The following ENOX1 variants were observed in gnomAD, a reference collection of about 807,000 sequenced individuals.
ENOX1 encodes the protein ecto-NOX disulfide-thiol exchanger 1.
ENOX1 carries 42 observed loss-of-function variants against 82.5 expected under a neutral mutation model. The observed-to-expected ratio is 0.51, with a 90% CI of 0.40 to 0.66. ENOX1 has a LOEUF of 0.66. Among genes scored for constraint, ENOX1 ranks in the 30% least tolerant of loss-of-function variants. The probability of loss-of-function intolerance (pLI) is 0.00; values close to 1 mark genes in which losing one functional copy is unlikely to be tolerated. For missense variants in ENOX1, 608 were observed against 811.6 expected, an observed-to-expected ratio of 0.75 and a Z score of 3.05; for synonymous variants, 271 against 282.2, an observed-to-expected ratio of 0.96 and a Z score of 0.40.
chr13:43,241,069 C>T (rs1367897659), intron 14 of ENOX1, among the ~76,000 whole-genome samples: 1 of 152,182 alleles, frequency 6.6e-6, no homozygotes, highest in Non-Finnish European at 1.5e-5. Context: ...TTCATATTCT[C>T]TACACAGGAC....
intron 9 of ENOX1, among the ~76,000 whole-genome samples, chr13:43,341,815 T>C (rs1475947789): frequency 2.0e-5 from 3 of 152,168 alleles, no homozygotes; most frequent in Non-Finnish European, 4.4e-5. Context: ...GCAGGCCCAG[T>C]CAAAAATTAT....
At chr13:43,592,469 C>A (rs2081287851) in intron 2 of ENOX1, among the ~76,000 whole-genome samples, 1 of 151,950 alleles carries the variant, frequency 6.6e-6, no homozygotes, top group Admixed American at 6.5e-5. Flanking sequence ...AAAACAAGTA[C>A]ACAAAGAATA....
intron 1 of ENOX1, among the ~76,000 whole-genome samples, chr13:43,748,462 C>T (rs116895426): frequency 0.01 from 1,534 of 152,222 alleles, 8 homozygotes; most frequent in Middle Eastern, 0.024. Flanking sequence ...GCCTGATTTA[C>T]GTAATAGAGC....
At chr13:43,586,572 G>A (rs541227404) in intron 2 of ENOX1, among the ~76,000 whole-genome samples, 1 of 152,324 alleles carries the variant, frequency 6.6e-6, no homozygotes, top group Admixed American at 6.5e-5. Context: ...GCTAGCTGAG[G>A]CCTCCCTCTG....
Position 43,412,974 on chromosome 13 carries a change from G to A in ENOX1, c.-60C>T, listed in dbSNP as rs932567921. On this transcript the variant is annotated 5_prime_UTR_variant, in exon 4 of 17. Transcript: ENST00000690772. ...TGATGGCTGAGTGCAGGGTCCCCTC[G>A]GAGGTCATCAGATTCTGCAAAACGG... The A allele has an allele frequency of 9.4e-6, 15 of 1,596,140 alleles. No homozygotes were observed. The highest frequency in any genetic ancestry group is 4.1e-5 in the African/African-American group (3 of 74,032).
intron 3 of ENOX1, among the ~76,000 whole-genome samples, chr13:43,413,236 C>T (rs1205216671): frequency 6.6e-6 from 1 of 152,168 alleles, no homozygotes; most frequent in Non-Finnish European, 1.5e-5. Flanking sequence ...TAAACAGCCC[C>T]ATTTGTGAGT....
At chr13:43,272,160 T>C (rs1025252172) in intron 12 of ENOX1, among the ~76,000 whole-genome samples, 6 of 152,184 alleles carry the variant, frequency 3.9e-5, no homozygotes, top group Non-Finnish European at 7.4e-5. Context: ...GTTTGTTACA[T>C]AGGTATACAC....
chr13:43,526,477 T>C (rs1211601839), intron 2 of ENOX1, among the ~76,000 whole-genome samples: 1 of 152,140 alleles, frequency 6.6e-6, no homozygotes, highest in African/African-American at 2.4e-5. Context: ...AGGCATAGCT[T>C]TCTAAAATAC....
chr13:43,645,588 TA>T (rs1402119553), intron 2 of ENOX1, among the ~76,000 whole-genome samples: 3 of 152,248 alleles, frequency 2.0e-5, no homozygotes. Flanking sequence ...ACATTCTATG[TA>T]AACAATCTTT....
At chr13:43,708,946 CT>C (rs2087504795) in intron 1 of ENOX1, among the ~76,000 whole-genome samples, 1 of 151,982 alleles carries the variant, frequency 6.6e-6, no homozygotes, top group South Asian at 2.1e-4. Flanking sequence ...CCCAGAGTGG[CT>C]TTAAAAAGCA....
At chr13:43,272,790 G>A (rs965679058) in intron 12 of ENOX1, among the ~76,000 whole-genome samples, 1 of 152,106 alleles carries the variant, frequency 6.6e-6, no homozygotes, top group Non-Finnish European at 1.5e-5. Context: ...ACCTTCACAG[G>A]TAATTATTCT....
chr13:43,505,265 G>T (rs1204801933), intron 2 of ENOX1, among the ~76,000 whole-genome samples: 1 of 151,878 alleles, frequency 6.6e-6, no homozygotes, highest in African/African-American at 2.4e-5. Flanking sequence ...ATGAGGAAAT[G>T]CTAGAAAAAT....
rs2078844169 is a variant in ENOX1, at chr13:43,543,684, G to C, written c.-218-59532C>G. On this transcript the variant is annotated intron_variant, in intron 2 of 16. Coordinates refer to ENST00000690772, the MANE Select transcript of ENOX1 (RefSeq NM_001347969.2). ...ATGATGCAAAGAAAAAAAAACCCTT[G>C]CTTCTGACTTTTCAGAAATCCTGTC... Among the ~76,000 whole-genome samples, 3 of 147,596 alleles carry C rather than the reference G, an allele frequency of 2.0e-5. No homozygotes were observed. The Admixed American group carries it at 2.0e-4, about 10-fold the overall frequency.
intron 1 of ENOX1, among the ~76,000 whole-genome samples, chr13:43,683,106 C>T (rs1250387513): frequency 6.6e-6 from 1 of 152,078 alleles, no homozygotes; most frequent in Non-Finnish European, 1.5e-5. Context: ...ACAAATCAGG[C>T]CAAGGTCAAT....
At position 43,412,055 on chromosome 13, in the gene ENOX1, T is replaced by C. The variant is rs1170954151; in HGVS notation, c.71-2A>G. ...CTATACTCCCCAAACCATCGGCTGC[T>C]GTGGGGAAAAACAAACCATGATTTA... On this transcript the variant is annotated splice_acceptor_variant, in intron 4 of 16. Transcript: ENST00000690772. LOFTEE classifies it high-confidence loss of function. 6.2e-7 allele frequency: 1 copy of C among 1,613,214 alleles called. No homozygotes were observed. Among genetic ancestry groups the C allele is most frequent in the East Asian group, 2.2e-5 (1 of 44,876 alleles).
At chr13:43,324,829 T>C (rs1430047767) in intron 10 of ENOX1, among the ~76,000 whole-genome samples, 1 of 152,084 alleles carries the variant, frequency 6.6e-6, no homozygotes. Context: ...TAAGCGAAGG[T>C]GAGAAGTTGA....
At chr13:43,321,527 A>C (rs532636890) in intron 11 of ENOX1, among the ~76,000 whole-genome samples, 26 of 152,338 alleles carry the variant, frequency 1.7e-4, no homozygotes, top group African/African-American at 5.1e-4. Context: ...TTGGTTTCTT[A>C]ATAAATTAGT....
At chr13:43,374,959 T>A (rs1158459168) in intron 5 of ENOX1, among the ~76,000 whole-genome samples, 1 of 152,210 alleles carries the variant, frequency 6.6e-6, no homozygotes, top group Non-Finnish European at 1.5e-5. Flanking sequence ...AATGTCAAGT[T>A]CAGCTTCCTC....
At chr13:43,601,011 C>G (rs767607404) in intron 2 of ENOX1, among the ~76,000 whole-genome samples, 9 of 152,238 alleles carry the variant, frequency 5.9e-5, no homozygotes, top group Non-Finnish European at 1.2e-4. Flanking sequence ...GGACCAAAAA[C>G]TTATAACACT....
Sources: gnomAD v4.1 joint callset for allele counts (sites outside exome capture counted in the v4.1 genomes callset) on GRCh38, gnomAD v4.1.1 for gene constraint, MANE v1.5 for transcripts, NCBI Gene and HGNC (gene_info 2026-07-23, HGNC 2026-07-21) for gene names.